Variants in CHL1 observed in about 807,000 individuals in gnomAD.
CHL1 encodes neural cell adhesion molecule L1-like protein.
CHL1 carries 96 observed loss-of-function variants against 141.9 expected under a neutral mutation model. That is an observed-to-expected ratio of 0.68 (90% CI 0.57 to 0.80). CHL1 has a LOEUF of 0.80. CHL1 is among the 30% of genes least tolerant of loss of function. The pLI, the probability that CHL1 is intolerant of heterozygous loss-of-function variation, is 0.00. For missense variants in CHL1, 1,820 were observed against 1,457.2 expected (o/e 1.25, Z -4.05); for synonymous variants, 613 against 502.2 (o/e 1.22, Z -2.95).
intron 2 of CHL1, among the ~76,000 whole-genome samples, chr3:252,392 A>ATATATATATATATATG (rs1559339212): frequency 1.5e-5 from 2 of 136,312 alleles, no homozygotes; most frequent in African/African-American, 5.4e-5. Context: ...ATATATATAT[A>ATATATATATATATATG]TATATATATT....
intron 1 of CHL1, among the ~76,000 whole-genome samples, chr3:202,006 C>T (rs1239845239): frequency 6.6e-6 from 1 of 152,162 alleles, no homozygotes; most frequent in Admixed American, 6.5e-5. Flanking sequence ...TCTGGCACAG[C>T]AGGAAGCGAA....
chr3:393,060 C>T (rs1036700843), intron 23 of CHL1, among the ~76,000 whole-genome samples: 8 of 151,790 alleles, frequency 5.3e-5, no homozygotes, highest in East Asian at 3.9e-4. Context: ...GGTGAAACCC[C>T]GTCTCTATTA....
At chr3:279,883 A>C (rs1696478537) in intron 2 of CHL1, among the ~76,000 whole-genome samples, 1 of 152,190 alleles carries the variant, frequency 6.6e-6, no homozygotes, top group Non-Finnish European at 1.5e-5. Flanking sequence ...ATAAAATTGC[A>C]CTTGAGAAGT....
chr3:276,436 T>C (rs1335754524), intron 2 of CHL1, among the ~76,000 whole-genome samples: 1 of 152,198 alleles, frequency 6.6e-6, no homozygotes, highest in East Asian at 1.9e-4. Context: ...TGTTTTATAG[T>C]TTGCAGCATG....
intron 13 of CHL1, among the ~76,000 whole-genome samples, chr3:362,137 ATTG>A (rs1168463074): frequency 2.0e-5 from 3 of 152,110 alleles, no homozygotes; most frequent in Non-Finnish European, 2.9e-5. Context: ...GTTTTACTCT[ATTG>A]TTGTTGTTTT....
chr3:219,876 A>C (rs907176067), intron 1 of CHL1, among the ~76,000 whole-genome samples: 2 of 152,304 alleles, frequency 1.3e-5, no homozygotes, highest in South Asian at 4.1e-4. Context: ...TCAGAAAAAA[A>C]CTCAAATGGC....
chr3:388,301 A>G (rs1707921320), intron 19 of CHL1, among the ~76,000 whole-genome samples: 1 of 152,214 alleles, frequency 6.6e-6, no homozygotes, highest in African/African-American at 2.4e-5. Context: ...TAATCCCAGC[A>G]CTCTGGGAGG....
intron 2 of CHL1, among the ~76,000 whole-genome samples, chr3:257,219 A>G (rs557341112): frequency 6.6e-6 from 1 of 152,296 alleles, no homozygotes; most frequent in South Asian, 2.1e-4. Flanking sequence ...AAACTTACAT[A>G]AAGCATTTAA....
chr3:349,591 T>G lies in CHL1; in HGVS notation c.1033+48T>G, dbSNP rs1230551778. The stretch of plus-strand genomic sequence containing the variant: ...TTTCTCTGCTTTTCAAAAAAGTAAC[T>G]GTATACATGTAGTAGGCCTTGCTTC... On this transcript the variant is annotated intron_variant, in intron 10 of 27. Transcript: ENST00000256509. 3.4e-6 allele frequency: 5 copies of G among 1,486,924 alleles called. No homozygotes were observed. The South Asian group carries it at 3.6e-5, about 11-fold the overall frequency. The allele number at this position is 1,486,924 out of a possible 1,614,324, so 92.1% of individuals were successfully genotyped here.
chr3:309,180 A>G (rs986639383), intron 2 of CHL1: 2 of 152,278 alleles, frequency 1.3e-5, no homozygotes, highest in Non-Finnish European at 2.9e-5. Flanking sequence ...GCCTCCCCAC[A>G]CACACCCCGC....
At chr3:347,657 G>C (rs1702878868) in intron 9 of CHL1, among the ~76,000 whole-genome samples, 1 of 152,198 alleles carries the variant, frequency 6.6e-6, no homozygotes, top group Non-Finnish European at 1.5e-5. Flanking sequence ...TTTAGGGGAA[G>C]TGAGTTCCAG....
intron 1 of CHL1, among the ~76,000 whole-genome samples, chr3:217,283 G>T (rs1056667544): frequency 2.0e-5 from 3 of 152,090 alleles, no homozygotes; most frequent in African/African-American, 4.8e-5. Context: ...ACGTGTGTGT[G>T]CATGTGTAGC....
intron 1 of CHL1, among the ~76,000 whole-genome samples, chr3:225,344 A>G (rs1483400871): frequency 3.9e-5 from 6 of 152,224 alleles, no homozygotes; most frequent in South Asian, 2.1e-4. Context: ...TAGACAAACA[A>G]TAAGTGTTGA....
chr3:353,778 C>A (rs530426252), intron 10 of CHL1, among the ~76,000 whole-genome samples: 1 of 152,104 alleles, frequency 6.6e-6, no homozygotes, highest in African/African-American at 2.4e-5. Flanking sequence ...GGGGAAATAA[C>A]CAAACTACAC....
At chr3:357,129 CTGAA>C (rs1264042021) in intron 11 of CHL1, among the ~76,000 whole-genome samples, 4 of 152,186 alleles carry the variant, frequency 2.6e-5, no homozygotes, top group Non-Finnish European at 5.9e-5. Flanking sequence ...GACCACACAG[CTGAA>C]TAATGGTAGA....
At chr3:269,245 T>C (rs966316532) in intron 2 of CHL1, among the ~76,000 whole-genome samples, 2 of 152,344 alleles carry the variant, frequency 1.3e-5, no homozygotes, top group African/African-American at 2.4e-5. Flanking sequence ...TATGATCAGA[T>C]GGGATTCCTT....
At chr3:368,590 A>C (rs1417935932) in intron 15 of CHL1, among the ~76,000 whole-genome samples, 2 of 152,134 alleles carry the variant, frequency 1.3e-5, no homozygotes, top group Non-Finnish European at 2.9e-5. Flanking sequence ...GAAGTGCTTT[A>C]GTTTGATTAG....
At position 360,349 on chromosome 3, in the gene CHL1, C is replaced by T; in HGVS notation, c.1231C>T (p.His411Tyr). Reference protein sequence around the residue: ...EISFTNLQPNHTAVYQCEASN... With the variant: ...EISFTNLQPNYTAVYQCEASN... ...CAGTTTTACCAACCTTCAACCAAATCATACTGCTGTGTACCAGTGTGAAGC... is the reference window on the plus strand; with the variant it reads ...CAGTTTTACCAACCTTCAACCAAATTATACTGCTGTGTACCAGTGTGAAGC... Residue 411 changes from histidine (H) to tyrosine (Y), a missense_variant, in exon 12 of 28, where the codon CAT becomes TAT. By Grantham distance (83) the His-to-Tyr change is moderately conservative. Coordinates refer to ENST00000256509, the MANE Select transcript of CHL1 (RefSeq NM_006614.4). The T allele has an allele frequency of 6.2e-7, 1 of 1,613,790 alleles. No homozygotes were observed. Among genetic ancestry groups the T allele is most frequent in the African/African-American group, 1.3e-5 (1 of 75,010 alleles).
At chr3:354,554 G>T (rs759377196) in intron 10 of CHL1, 86 bp from the exon 11 acceptor site, 10 of 1,451,926 alleles carry the variant, frequency 6.9e-6, no homozygotes, top group Non-Finnish European at 9.3e-6. Context: ...GCCCTCTGCT[G>T]GTGCAAAGTA....
Sources: gnomAD v4.1 joint callset for allele counts (sites outside exome capture counted in the v4.1 genomes callset) on GRCh38, gnomAD v4.1.1 for gene constraint, MANE v1.5 for transcripts, NCBI Gene and HGNC (gene_info 2026-07-23, HGNC 2026-07-21) for gene names.